Variants in ARID1B observed in about 807,000 individuals in gnomAD.
ARID1B encodes the protein AT-rich interactive domain-containing protein 1B.
Under a neutral mutation model 212.3 loss-of-function variants are expected in ARID1B, and 30 were observed. The observed-to-expected ratio is 0.14, with a 90% CI of 0.11 to 0.19. The LOEUF (loss-of-function observed/expected upper bound fraction) is 0.19. Among genes scored for constraint, ARID1B ranks in the 10% least tolerant of loss-of-function variants. The pLI, the probability that ARID1B is intolerant of heterozygous loss-of-function variation, is 1.00. For missense variants in ARID1B, 2,891 were observed against 3,204.0 expected, an observed-to-expected ratio of 0.90 and a Z score of 2.36; for synonymous variants, 1,402 against 1,301.7, an observed-to-expected ratio of 1.08 and a Z score of -1.66.
intron 5 of ARID1B, among the ~76,000 whole-genome samples, chr6:157,097,539 G>C (rs993850608): frequency 2.0e-5 from 3 of 152,178 alleles, no homozygotes; most frequent in African/African-American, 7.2e-5. Flanking sequence ...GTGAGCATCC[G>C]CATGTGGCAC....
intron 6 of ARID1B, among the ~76,000 whole-genome samples, chr6:157,114,688 G>GTAATAGTCCA (rs1326896505): frequency 2.0e-5 from 3 of 152,036 alleles, no homozygotes; most frequent in Non-Finnish European, 4.4e-5. Flanking sequence ...TGATAATATA[G>GTAATAGTCCA]TAATAGTCCA....
At chr6:157,062,707 T>TATATA (rs368043686) in intron 4 of ARID1B, among the ~76,000 whole-genome samples, 59 of 120,888 alleles carry the variant, frequency 4.9e-4, no homozygotes, top group East Asian at 1.1e-3. Context: ...TATATATATA[T>TATATA]TTTTTTTTTT....
At chr6:156,838,939 G>A (rs62435818) in intron 2 of ARID1B, among the ~76,000 whole-genome samples, 7,667 of 152,082 alleles carry the variant, frequency 0.05, 256 homozygotes, top group Middle Eastern at 0.11. Flanking sequence ...GAGATTTCCA[G>A]TAGGATCTTC....
intron 13 of ARID1B, 71 bp downstream of exon 13, chr6:157,184,506 G>C: frequency 6.4e-7 from 1 of 1,566,944 alleles, no homozygotes; most frequent in East Asian, 2.3e-5. Context: ...CCGGGAAGGT[G>C]GTTTCACAGT....
chr6:156,890,588 A>G (rs764663237), intron 2 of ARID1B, among the ~76,000 whole-genome samples: 9 of 152,254 alleles, frequency 5.9e-5, no homozygotes, highest in Non-Finnish European at 1.2e-4. Flanking sequence ...ACCAGGGCCC[A>G]GGCCAGAACA....
intron 4 of ARID1B, among the ~76,000 whole-genome samples, chr6:157,054,730 T>C (rs1325615074): frequency 1.3e-5 from 2 of 152,234 alleles, no homozygotes; most frequent in African/African-American, 4.8e-5. Context: ...TAGATGTCAC[T>C]GTTACAGGGG....
chr6:157,043,845 T>C (rs1782045628), intron 4 of ARID1B, among the ~76,000 whole-genome samples: 1 of 151,882 alleles, frequency 6.6e-6, no homozygotes, highest in African/African-American at 2.4e-5. Flanking sequence ...CAAAAACTAG[T>C]TGGTTCCTTT....
At chr6:156,952,818 G>A (rs1291276980) in intron 4 of ARID1B, among the ~76,000 whole-genome samples, 3 of 152,212 alleles carry the variant, frequency 2.0e-5, no homozygotes, top group Non-Finnish European at 4.4e-5. Context: ...CAATAATATT[G>A]TAGTAAAACT....
chr6:156,886,088 G>C (rs1787477848), intron 2 of ARID1B, among the ~76,000 whole-genome samples: 1 of 152,182 alleles, frequency 6.6e-6, no homozygotes, highest in Admixed American at 6.5e-5. Flanking sequence ...GTTTGAAAAA[G>C]CTTGAAATCC....
chr6:156,908,231 C>T (rs957358633), intron 3 of ARID1B, among the ~76,000 whole-genome samples: 1 of 152,008 alleles, frequency 6.6e-6, no homozygotes, highest in South Asian at 2.1e-4. Flanking sequence ...TTTCTTTTGT[C>T]AATATAGGCA....
At chr6:157,182,401 C>T (rs1037069268) in intron 12 of ARID1B, among the ~76,000 whole-genome samples, 9 of 152,200 alleles carry the variant, frequency 5.9e-5, no homozygotes, top group Non-Finnish European at 1.2e-4. Context: ...TTAGAATGGC[C>T]TGGGCAGCTT....
At chr6:156,818,284 C>CA (rs1028355082) in intron 1 of ARID1B, among the ~76,000 whole-genome samples, 2 of 151,890 alleles carry the variant, frequency 1.3e-5, no homozygotes, top group African/African-American at 4.8e-5. Flanking sequence ...AAACCAGGGG[C>CA]AAATAGCCTG....
chr6:157,123,887 C>T (rs1186566527), intron 6 of ARID1B, among the ~76,000 whole-genome samples: 7 of 152,234 alleles, frequency 4.6e-5, no homozygotes, highest in Admixed American at 1.3e-4. Flanking sequence ...CAGCTACTAA[C>T]GTGCCCACAG....
At chr6:156,935,658 T>C (rs967670731) in intron 4 of ARID1B, 82 bp downstream of exon 4, 1 of 1,245,816 alleles carries the variant, frequency 8.0e-7, no homozygotes, top group Admixed American at 2.0e-5. Context: ...TGTTCTACTT[T>C]ATATTATGAC....
intron 4 of ARID1B, chr6:156,985,370 G>A (rs1777859297): frequency 6.6e-6 from 1 of 152,218 alleles, no homozygotes; most frequent in Non-Finnish European, 1.5e-5. Context: ...GTAAAGGAAG[G>A]TTTTTTAATT....
At chr6:157,191,134 C>G (rs964085181) in intron 15 of ARID1B, among the ~76,000 whole-genome samples, 2 of 151,982 alleles carry the variant, frequency 1.3e-5, no homozygotes, top group African/African-American at 4.8e-5. Context: ...AAATGACTGG[C>G]CATCTCTGGA....
At chr6:157,195,982 A>C in intron 15 of ARID1B, 183 bp from the exon 16 acceptor site, 3 of 587,630 alleles carry the variant, frequency 5.1e-6, no homozygotes, top group Non-Finnish European at 8.3e-6. Context: ...AATCGCCTGA[A>C]CCCGGGAGGC....
intron 4 of ARID1B, among the ~76,000 whole-genome samples, chr6:157,057,764 T>C (rs1224525485): frequency 1.3e-5 from 2 of 152,106 alleles, no homozygotes; most frequent in African/African-American, 4.8e-5. Flanking sequence ...TTTTTGAAAA[T>C]GTGTCAAAAT....
intron 4 of ARID1B, among the ~76,000 whole-genome samples, chr6:157,031,514 C>G (rs1781014823): frequency 6.6e-6 from 1 of 152,176 alleles, no homozygotes; most frequent in Non-Finnish European, 1.5e-5. Flanking sequence ...CTCTCCTCAC[C>G]TTTATTCCCC....
Sources: allele counts gnomAD v4.1 joint callset (sites outside exome capture counted in the v4.1 genomes callset), GRCh38; gene constraint gnomAD v4.1.1; transcripts MANE v1.5; gene names NCBI Gene and HGNC (gene_info 2026-07-23, HGNC 2026-07-21).